Variants in AGBL4 observed in about 807,000 individuals in gnomAD.
The protein encoded by AGBL4 is AGBL carboxypeptidase 4.
In AGBL4, 58 loss-of-function variants were observed where a neutral mutation model predicts 66.4. The observed-to-expected ratio is 0.87, with a 90% CI of 0.71 to 1.09. The LOEUF (loss-of-function observed/expected upper bound fraction) is 1.09, where lower values mean the gene tolerates loss of function less well. AGBL4 is among the 50% of genes least tolerant of loss of function. The probability of loss-of-function intolerance (pLI) is 0.00; values close to 1 mark genes in which losing one functional copy is unlikely to be tolerated. For synonymous variants in AGBL4, 234 were observed against 222.9 expected (o/e 1.05, Z -0.44); for missense variants, 579 against 631.0 (o/e 0.92, Z 0.88).
chr1:48,733,949 G>C lies in AGBL4; in HGVS notation c.635-70708C>G, dbSNP rs552817530. On this transcript the variant is annotated intron_variant, in intron 6 of 13. Transcript: ENST00000371839. Reference sequence around the variant, plus strand: ...CACACAGCAGATGATTTTATACCATGTGATAATGGCAGGAATAGACAGTTA... The same window carrying C: ...CACACAGCAGATGATTTTATACCATCTGATAATGGCAGGAATAGACAGTTA... Among the ~76,000 whole-genome samples the C allele has an allele frequency of 2.6e-5, 4 of 152,278 alleles. No homozygotes were observed. The South Asian group carries it at 8.3e-4, about 32-fold the overall frequency.
chr1:49,475,336 G>A (rs1354242369), intron 3 of AGBL4, among the ~76,000 whole-genome samples: 1 of 152,000 alleles, frequency 6.6e-6, no homozygotes, highest in Admixed American at 6.6e-5. Flanking sequence ...CATTCAGTTT[G>A]ATAGTATTTT....
intron 2 of AGBL4, chr1:49,841,936 T>C: frequency 1.7e-6 from 1 of 603,312 alleles, no homozygotes; most frequent in Non-Finnish European, 3.0e-6. Context: ...AATCTCGGCC[T>C]CCTCGAGCGT....
Position 49,452,717 on chromosome 1 carries a change from A to G in AGBL4, c.283-206853T>C, listed in dbSNP as rs374641136. ...TATTTTAGCACTTCTCACATAAAACATGTTTCCTCTTCTGACTATGAGCTC... is the reference window on the plus strand; with the variant it reads ...TATTTTAGCACTTCTCACATAAAACGTGTTTCCTCTTCTGACTATGAGCTC... On this transcript the variant is annotated intron_variant, in intron 3 of 13. Transcript: ENST00000371839. 1.2e-4 allele frequency among the ~76,000 whole-genome samples: 18 copies of G among 151,980 alleles called. No homozygotes were observed. The East Asian group carries it at 2.1e-3, about 18-fold the overall frequency.
At chr1:49,608,269 A>T (rs186364334) in intron 3 of AGBL4, among the ~76,000 whole-genome samples, 770 of 152,228 alleles carry the variant, frequency 5.1e-3, no homozygotes, top group Middle Eastern at 0.014. Context: ...AATATTTTTT[A>T]AAAAAATTCT....
rs576857079 is a variant in AGBL4, at chr1:48,699,261, C to A, written c.635-36020G>T. ...TGTGGTCTTAGGCATGATACAGACC[C>A]TTTTAGCCCCTGAGTTTTGTTCTCT... On this transcript the variant is annotated intron_variant, in intron 6 of 13. Transcript: ENST00000371839. Among the ~76,000 whole-genome samples the A allele has an allele frequency of 3.9e-5, 6 of 152,336 alleles. No individual in the cohort carries two copies. The East Asian group carries it at 9.7e-4, about 25-fold the overall frequency.
At chr1:48,777,677 G>A (rs1645162719) in intron 6 of AGBL4, among the ~76,000 whole-genome samples, 1 of 152,106 alleles carries the variant, frequency 6.6e-6, no homozygotes, top group African/African-American at 2.4e-5. Context: ...GTCAAGGGCT[G>A]CTCTCATCTG....
chr1:49,745,717 A>C (rs1354217694), intron 2 of AGBL4, among the ~76,000 whole-genome samples: 1 of 152,136 alleles, frequency 6.6e-6, no homozygotes, highest in South Asian at 2.1e-4. Context: ...ATATATGCCC[A>C]TATCAAGAAA....
chr1:48,755,641 T>G (rs952217421), intron 6 of AGBL4, among the ~76,000 whole-genome samples: 1 of 152,158 alleles, frequency 6.6e-6, no homozygotes, highest in Non-Finnish European at 1.5e-5. Flanking sequence ...GTTCTCTGCC[T>G]TCTTAGTGGT....
At chr1:48,575,383 G>A (rs1219452274) in intron 11 of AGBL4, among the ~76,000 whole-genome samples, 1 of 152,168 alleles carries the variant, frequency 6.6e-6, no homozygotes, top group Admixed American at 6.5e-5. Context: ...GGGCAGGCGG[G>A]TGTTACTTGG....
chr1:49,662,363 T>G (rs1646286592), intron 3 of AGBL4, among the ~76,000 whole-genome samples: 2 of 152,126 alleles, frequency 1.3e-5, no homozygotes, highest in South Asian at 4.1e-4. Context: ...CCACTCAGCC[T>G]TTTCCAATTT....
chr1:49,350,618 A>C (rs1645734108), intron 3 of AGBL4, among the ~76,000 whole-genome samples: 1 of 152,164 alleles, frequency 6.6e-6, no homozygotes, highest in Non-Finnish European at 1.5e-5. Flanking sequence ...AAACAACTGA[A>C]CTTTTATTAG....
chr1:49,159,506 C>T (rs1646500202), intron 4 of AGBL4, among the ~76,000 whole-genome samples: 1 of 152,270 alleles, frequency 6.6e-6, no homozygotes, highest in South Asian at 2.1e-4. Context: ...TTGTTTCCTT[C>T]ATTTCAACCT....
At chr1:49,703,441 T>C (rs1304165519) in intron 2 of AGBL4, among the ~76,000 whole-genome samples, 4 of 151,628 alleles carry the variant, frequency 2.6e-5, no homozygotes, top group South Asian at 4.1e-4. Flanking sequence ...ATTCACCATA[T>C]GGACAAAATA....
At chr1:48,782,699 G>A (rs1227924806) in intron 6 of AGBL4, among the ~76,000 whole-genome samples, 2 of 152,152 alleles carry the variant, frequency 1.3e-5, no homozygotes, top group African/African-American at 4.8e-5. Flanking sequence ...CACAGGTATA[G>A]CCTCCTTAAT....
intron 6 of AGBL4, among the ~76,000 whole-genome samples, chr1:48,839,074 G>T: frequency 6.6e-6 from 1 of 152,130 alleles, no homozygotes; most frequent in East Asian, 1.9e-4. Context: ...ATACACTGTT[G>T]ATGGGAATGT....
chr1:49,096,311 C>T (rs1279161707), intron 4 of AGBL4, among the ~76,000 whole-genome samples: 2 of 152,026 alleles, frequency 1.3e-5, no homozygotes, highest in African/African-American at 4.8e-5. Flanking sequence ...ACTAGAAATA[C>T]CATTTGACCC....
intron 1 of AGBL4, among the ~76,000 whole-genome samples, chr1:49,949,253 C>CTATAAAAA: frequency 6.6e-6 from 1 of 151,928 alleles, no homozygotes; most frequent in South Asian, 2.1e-4. Context: ...AGACTTGAAA[C>CTATAAAAA]TATAAAAATT....
chr1:50,015,686 C>A (rs1446914204), intron 1 of AGBL4, among the ~76,000 whole-genome samples: 2 of 152,024 alleles, frequency 1.3e-5, no homozygotes, highest in East Asian at 3.9e-4. Context: ...CAAAGCAATT[C>A]TAAGCAAAAA....
chr1:49,373,766 C>A (rs542002350), intron 3 of AGBL4, among the ~76,000 whole-genome samples: 1 of 152,058 alleles, frequency 6.6e-6, no homozygotes, highest in Non-Finnish European at 1.5e-5. Context: ...GGATAAGACA[C>A]TATTAAAAAA....
Sources: gnomAD v4.1 joint callset for allele counts (sites outside exome capture counted in the v4.1 genomes callset) on GRCh38, gnomAD v4.1.1 for gene constraint, MANE v1.5 for transcripts, NCBI Gene and HGNC (gene_info 2026-07-23, HGNC 2026-07-21) for gene names.